The following RPS6KC1 variants were observed in gnomAD, a reference collection of about 807,000 sequenced individuals.
RPS6KC1 encodes the protein ribosomal protein S6 kinase C1.
RPS6KC1 carries 54 observed loss-of-function variants against 103.8 expected under a neutral mutation model. The observed-to-expected ratio is 0.52, with a 90% CI of 0.42 to 0.65. RPS6KC1 has a LOEUF of 0.65. RPS6KC1 is among the 30% of genes least tolerant of loss of function. RPS6KC1 has a pLI of 0.00. For synonymous variants in RPS6KC1, 439 were observed against 438.7 expected (o/e 1.00, Z -0.01); for missense variants, 1,151 against 1,253.8 (o/e 0.92, Z 1.24).
chr1:213,635,469 C>G, the RPS6KC1 span, among the ~76,000 whole-genome samples: 2 of 152,164 alleles, frequency 1.3e-5, no homozygotes, highest in African/African-American at 2.4e-5. Flanking sequence ...TCAACATATG[C>G]AAATCAATAA....
the RPS6KC1 span, among the ~76,000 whole-genome samples, chr1:213,761,738 T>C: frequency 6.6e-6 from 1 of 152,102 alleles, no homozygotes; most frequent in African/African-American, 2.4e-5. Flanking sequence ...TTCAAGTGTG[T>C]AGAAAATATG....
At chr1:213,858,219 A>G in the RPS6KC1 span, among the ~76,000 whole-genome samples, 3 of 152,234 alleles carry the variant, frequency 2.0e-5, no homozygotes, top group African/African-American at 7.2e-5. Context: ...TGTATGGATT[A>G]TCTCCATTGT....
intron 6 of RPS6KC1, among the ~76,000 whole-genome samples, chr1:213,138,380 C>T (rs1049573619): frequency 2.0e-5 from 3 of 151,566 alleles, no homozygotes; most frequent in Non-Finnish European, 4.4e-5. Flanking sequence ...ATTTTAGGTT[C>T]AAGGGGTATA....
At chr1:213,270,434 T>C (rs888258321) in intron 14 of RPS6KC1, among the ~76,000 whole-genome samples, 2 of 152,166 alleles carry the variant, frequency 1.3e-5, no homozygotes, top group African/African-American at 4.8e-5. Flanking sequence ...ATAAAGTAGA[T>C]TTCCTTAAAA....
chr1:213,570,745 T>C, the RPS6KC1 span, among the ~76,000 whole-genome samples: 1 of 152,164 alleles, frequency 6.6e-6, no homozygotes, highest in Admixed American at 6.5e-5. Context: ...TGAGAAATTA[T>C]CTAATGAATC....
At chr1:213,442,999 G>A in the RPS6KC1 span, among the ~76,000 whole-genome samples, 11 of 151,562 alleles carry the variant, frequency 7.3e-5, no homozygotes, top group Admixed American at 2.6e-4. Context: ...GCATTGGGGT[G>A]TCTCTTTATC....
chr1:213,151,061 G>C (rs1207734688), intron 6 of RPS6KC1, among the ~76,000 whole-genome samples: 1 of 146,888 alleles, frequency 6.8e-6, no homozygotes. Flanking sequence ...CTTCCCAGTA[G>C]GGGCGGCCGG....
At chr1:213,056,084 T>A (rs1486127662) in intron 1 of RPS6KC1, among the ~76,000 whole-genome samples, 1 of 152,190 alleles carries the variant, frequency 6.6e-6, no homozygotes, top group Non-Finnish European at 1.5e-5. Context: ...TTAAAGTAGT[T>A]TGGGTTTATT....
the RPS6KC1 span, among the ~76,000 whole-genome samples, chr1:213,816,886 T>C: frequency 6.6e-6 from 1 of 152,192 alleles, no homozygotes; most frequent in Admixed American, 6.5e-5. Flanking sequence ...GAAGTTGAAA[T>C]GGGGAACCCT....
At chr1:213,204,591 C>T (rs1573252798) in intron 8 of RPS6KC1, among the ~76,000 whole-genome samples, 1 of 150,718 alleles carries the variant, frequency 6.6e-6, no homozygotes, top group African/African-American at 2.4e-5. Flanking sequence ...AAATAATTTG[C>T]CATTAAACAA....
At chr1:213,718,328 G>A in the RPS6KC1 span, among the ~76,000 whole-genome samples, 1 of 152,104 alleles carries the variant, frequency 6.6e-6, no homozygotes, top group Non-Finnish European at 1.5e-5. Flanking sequence ...TTCACAGCTG[G>A]GGCTTTATTT....
At chr1:213,054,100 T>G (rs2077155054) in intron 1 of RPS6KC1, among the ~76,000 whole-genome samples, 1 of 152,098 alleles carries the variant, frequency 6.6e-6, no homozygotes, top group Admixed American at 6.6e-5. Context: ...CCTCCCAAAG[T>G]GCTGGGATTA....
At chr1:213,220,895 G>A (rs1464840253) in intron 8 of RPS6KC1, among the ~76,000 whole-genome samples, 3 of 151,966 alleles carry the variant, frequency 2.0e-5, no homozygotes, top group African/African-American at 7.2e-5. Context: ...GAAGTATTAT[G>A]GTAAATGTGA....
At chr1:213,703,930 C>T in the RPS6KC1 span, among the ~76,000 whole-genome samples, 1 of 152,120 alleles carries the variant, frequency 6.6e-6, no homozygotes, top group African/African-American at 2.4e-5. Flanking sequence ...CTGTCTCATT[C>T]TCTATCTCCT....
intron 1 of RPS6KC1, among the ~76,000 whole-genome samples, chr1:213,062,177 T>C (rs2077898509): frequency 6.6e-6 from 1 of 152,330 alleles, no homozygotes; most frequent in South Asian, 2.1e-4. Flanking sequence ...CTAAAACTTT[T>C]TGAGTGTCAA....
intron 6 of RPS6KC1, among the ~76,000 whole-genome samples, chr1:213,141,143 C>T (rs373239689): frequency 2.9e-4 from 44 of 152,158 alleles, no homozygotes; most frequent in Admixed American, 3.9e-4. Flanking sequence ...GTGATCTGTC[C>T]GCCTTAGCCT....
intron 8 of RPS6KC1, among the ~76,000 whole-genome samples, chr1:213,216,939 C>T (rs1336445003): frequency 6.6e-6 from 1 of 151,814 alleles, no homozygotes; most frequent in Non-Finnish European, 1.5e-5. Context: ...AAAATTGACA[C>T]CCTAACATCA....
At chr1:213,581,830 G>A in the RPS6KC1 span, among the ~76,000 whole-genome samples, 9 of 151,968 alleles carry the variant, frequency 5.9e-5, no homozygotes, top group Non-Finnish European at 8.8e-5. Context: ...AGGCTTCTGT[G>A]CCTTTCCACA....
At chr1:213,164,253 C>T (rs903272602) in intron 6 of RPS6KC1, among the ~76,000 whole-genome samples, 2 of 152,120 alleles carry the variant, frequency 1.3e-5, no homozygotes, top group African/African-American at 2.4e-5. Context: ...TTCTGGATTC[C>T]GTTATCTGTA....
Sources: gnomAD v4.1 joint callset for allele counts (sites outside exome capture counted in the v4.1 genomes callset) on GRCh38, gnomAD v4.1.1 for gene constraint, MANE v1.5 for transcripts, NCBI Gene and HGNC (gene_info 2026-07-23, HGNC 2026-07-21) for gene names.